KIRREL1: variants seen among roughly 807,000 people sequenced by gnomAD.
The protein encoded by KIRREL1 is kin of IRRE-like protein 1.
Under a neutral mutation model 83.3 loss-of-function variants are expected in KIRREL1, and 25 were observed. That is an observed-to-expected ratio of 0.30 (90% confidence interval 0.22 to 0.42). The LOEUF (loss-of-function observed/expected upper bound fraction) is 0.42. KIRREL1 is among the 10% of genes least tolerant of loss of function. The probability of loss-of-function intolerance (pLI) is 1.00; values close to 1 mark genes in which losing one functional copy is unlikely to be tolerated. For missense variants in KIRREL1, 812 were observed against 1,032.3 expected, an observed-to-expected ratio of 0.79 and a Z score of 2.92; for synonymous variants, 388 against 410.4, an observed-to-expected ratio of 0.95 and a Z score of 0.66.
intron 1 of KIRREL1, among the ~76,000 whole-genome samples, chr1:158,048,582 C>T (rs1283485968): frequency 2.0e-5 from 3 of 152,126 alleles, no homozygotes; most frequent in African/African-American, 4.8e-5. Context: ...TGGAAGAGAC[C>T]GTGGAGATGT....
chr1:158,074,236 A>G (rs1286621084), intron 1 of KIRREL1, among the ~76,000 whole-genome samples: 1 of 152,200 alleles, frequency 6.6e-6, no homozygotes, highest in Non-Finnish European at 1.5e-5. Context: ...CTCATGGAGT[A>G]TGGGAGAGGG....
rs1661741685 is a variant in KIRREL1 at position 158,078,140 on chromosome 1, A to G, written c.352A>G (p.Ile118Val). 3 of 1,613,916 alleles carry G rather than the reference A, an allele frequency of 1.9e-6. No homozygotes were observed. The East Asian group carries it at 6.7e-5, about 36-fold the overall frequency. Reference sequence around the variant, plus strand: ...TCGGCGGGCCAAACTCACCGTGCTCAGTAAGGACCCCAATACCCTTCAGTA... The same window carrying G: ...TCGGCGGGCCAAACTCACCGTGCTCGGTAAGGACCCCAATACCCTTCAGTA... ...RSRRAKLTVL[I>V]PPEDTRIDGG... Residue 118 changes from isoleucine to valine, a missense_variant and splice_region_variant, in exon 3 of 15, where the codon ATC (isoleucine) becomes GTC (valine). Coordinates refer to ENST00000359209, the MANE Select transcript of KIRREL1 (RefSeq NM_018240.7).
chr1:158,092,654 T>C (rs1662238525), intron 11 of KIRREL1, among the ~76,000 whole-genome samples: 1 of 152,108 alleles, frequency 6.6e-6, no homozygotes, highest in African/African-American at 2.4e-5. Context: ...GCCTATCACT[T>C]CAGTCTTAAC....
chr1:157,996,028 AGAGAGGAAACG>A (rs1181401968), intron 1 of KIRREL1, among the ~76,000 whole-genome samples: 1 of 140,758 alleles, frequency 7.1e-6, no homozygotes, highest in Non-Finnish European at 1.5e-5. Flanking sequence ...TGGGGCAGTG[AGAGAGGAAACG>A]GAGGGGGGCG....
chr1:158,094,612 C>A lies in KIRREL1; in HGVS notation c.1798-32C>A. On this transcript the variant is annotated intron_variant, in intron 14 of 14. Coordinates refer to ENST00000359209, the MANE Select transcript of KIRREL1 (RefSeq NM_018240.7). This position sits in a 1 kb window ranked among gnomAD's most constrained non-coding sequence, Gnocchi z 4.6. ...CTTGATCCCCACCCAAGAGGGAACA[C>A]TGCCTCCATCCTCTTCTCTCATTGC... 1.3e-6 allele frequency: 2 copies of A among 1,523,084 alleles called. No individual in the cohort carries two copies. Among genetic ancestry groups the A allele is most frequent in the Non-Finnish European group, 1.8e-6 (2 of 1,117,868 alleles). 94.3% of individuals were successfully genotyped at this position (1,523,084 alleles called of 1,614,324 possible). A position where few individuals can be genotyped will look rare whatever the true frequency, so the allele number is the denominator to read the frequency against.
Position 158,097,303 on chromosome 1 carries a change from G to T in KIRREL1, c.*2183G>T. 3.2e-6 allele frequency: 1 copy of T among 311,168 alleles called. No homozygotes were observed. Among genetic ancestry groups the T allele is most frequent in the Non-Finnish European group, 6.2e-6 (1 of 160,608 alleles). 19.3% of individuals were successfully genotyped at this position (311,168 alleles called of 1,614,324 possible). On this transcript the variant is annotated 3_prime_UTR_variant, in exon 15 of 15. Transcript: ENST00000359209. ...TCCAAAGACTTGAAGTCTAAAGATG[G>T]TGGCTTTTAAAACATGCATATTCCA...
intron 1 of KIRREL1, among the ~76,000 whole-genome samples, chr1:158,052,713 G>C (rs1044950702): frequency 6.6e-6 from 1 of 152,108 alleles, no homozygotes; most frequent in African/African-American, 2.4e-5. Flanking sequence ...ATGAACCCGG[G>C]AGGCTGAGCT....
intron 1 of KIRREL1, among the ~76,000 whole-genome samples, chr1:158,024,086 T>C (rs1660085296): frequency 6.6e-6 from 1 of 151,988 alleles, no homozygotes; most frequent in South Asian, 2.1e-4. Context: ...TAGCTGGGAT[T>C]GTAGGTGCAT....
rs529843372 is a variant in KIRREL1 at position 158,033,106 on chromosome 1, C to T, written c.52+39378C>T. Among the ~76,000 whole-genome samples, 10 of 151,484 alleles carry T rather than the reference C, an allele frequency of 6.6e-5. No individual in the cohort carries two copies. The South Asian group carries it at 1.9e-3, about 29-fold the overall frequency. Reference sequence around the variant, plus strand: ...CTTTCTTCTTTTTGAGACGGAGTTTCGCTGTTGTCACCCAGGCTGGAGTGC... The same window carrying T: ...CTTTCTTCTTTTTGAGACGGAGTTTTGCTGTTGTCACCCAGGCTGGAGTGC... On this transcript the variant is annotated intron_variant, in intron 1 of 14. Coordinates refer to ENST00000359209, the MANE Select transcript of KIRREL1 (RefSeq NM_018240.7).
chr1:158,047,762 T>G (rs1407419760), intron 1 of KIRREL1, among the ~76,000 whole-genome samples: 1 of 152,056 alleles, frequency 6.6e-6, no homozygotes, highest in African/African-American at 2.4e-5. Flanking sequence ...GAGTCCCTGG[T>G]CCAATGAACA....
chr1:158,083,233 A>C (rs1014058163), intron 3 of KIRREL1, among the ~76,000 whole-genome samples: 2 of 152,240 alleles, frequency 1.3e-5, no homozygotes, highest in African/African-American at 4.8e-5. Flanking sequence ...GTGACCATAT[A>C]AATATTAGTG....
At position 158,086,755 on chromosome 1, in the gene KIRREL1, G is replaced by A. The variant is rs1181043443; in HGVS notation, c.661+9G>A. The stretch of plus-strand genomic sequence containing the variant: ...CGAGCTGGATGTGCACCGTGAGTGG[G>A]CTGGGGGGAGCAGTCTGGAGCAGGG... On this transcript the variant is annotated intron_variant, in intron 5 of 14. Transcript: ENST00000359209. 1 of 1,550,278 alleles carries A rather than the reference G, an allele frequency of 6.5e-7. No homozygotes were observed. The highest frequency in any genetic ancestry group is 2.4e-5 in the East Asian group (1 of 40,862).
chr1:158,027,802 G>A (rs558483221), intron 1 of KIRREL1, among the ~76,000 whole-genome samples: 1 of 152,322 alleles, frequency 6.6e-6, no homozygotes, highest in South Asian at 2.1e-4. Flanking sequence ...GAGCAAAGCA[G>A]TAGATGTTAA....
rs11430850 is a variant in KIRREL1, at chr1:158,092,345, CTTTTTTTTTT to C, written c.1471+800_1471+809del. Among the ~76,000 whole-genome samples, 3 of 110,936 alleles carry C rather than the reference CTTTTTTTTTT, an allele frequency of 2.7e-5. No homozygotes were observed. The South Asian group carries it at 9.6e-4, about 36-fold the overall frequency. 72.8% of individuals were successfully genotyped at this position (110,936 alleles called of 152,430 possible). Reference sequence around the variant, plus strand: ...AATGACAGCATCCCATCACTTCAGTCTTTTTTTTTTTTTTTTTTTTGAGATGGAGTCTTGC... The same window carrying C: ...AATGACAGCATCCCATCACTTCAGTCTTTTTTTTTTGAGATGGAGTCTTGC... On this transcript the variant is annotated intron_variant, in intron 11 of 14. Coordinates refer to ENST00000359209, the MANE Select transcript of KIRREL1 (RefSeq NM_018240.7).
At position 158,020,029 on chromosome 1, in the gene KIRREL1, T is replaced by C. The variant is rs553324447; in HGVS notation, c.52+26301T>C. Among the ~76,000 whole-genome samples, 23 of 152,050 alleles carry C rather than the reference T, an allele frequency of 1.5e-4. No homozygotes were observed. In the South Asian group the frequency reaches 1.7e-3, roughly 11 times the overall value. On this transcript the variant is annotated intron_variant, in intron 1 of 14. Transcript: ENST00000359209. ...TTCAGAATAGCCAGTGGAAAGGAAGTTGCTTTAGGAGCAAGAACTGTCTTG... is the reference window on the plus strand; with the variant it reads ...TTCAGAATAGCCAGTGGAAAGGAAGCTGCTTTAGGAGCAAGAACTGTCTTG...
intron 1 of KIRREL1, among the ~76,000 whole-genome samples, chr1:158,070,197 G>A (rs1056469949): frequency 1.3e-5 from 2 of 152,176 alleles, no homozygotes; most frequent in African/African-American, 4.8e-5. Flanking sequence ...AGTGGTAGAT[G>A]GCAGAACTTA....
intron 2 of KIRREL1, among the ~76,000 whole-genome samples, chr1:158,076,630 G>A (rs1661689463): frequency 6.6e-6 from 1 of 152,236 alleles, no homozygotes; most frequent in African/African-American, 2.4e-5. Flanking sequence ...GTAGGAGAGG[G>A]CACAGGCAAC....
chr1:158,034,269 CAAAAAAAAAAAA>C (rs750353894), intron 1 of KIRREL1, among the ~76,000 whole-genome samples: 1 of 113,696 alleles, frequency 8.8e-6, no homozygotes, highest in East Asian at 2.4e-4. Flanking sequence ...GACTCCGTCT[CAAAAAAAAAAAA>C]AAAAAGAAAA....
At chr1:158,046,650 A>G (rs1176837912) in intron 1 of KIRREL1, among the ~76,000 whole-genome samples, 2 of 152,084 alleles carry the variant, frequency 1.3e-5, no homozygotes, top group East Asian at 1.9e-4. Flanking sequence ...GAGGAAACCC[A>G]AAAGACTGTG....
Sources: allele counts gnomAD v4.1 joint callset (sites outside exome capture counted in the v4.1 genomes callset), GRCh38; gene constraint gnomAD v4.1.1; non-coding constraint Gnocchi (gnomAD v3.1); transcripts MANE v1.5; gene names NCBI Gene and HGNC (gene_info 2026-07-23, HGNC 2026-07-21).